Variants in TMEM233 observed in about 807,000 individuals in gnomAD.
TMEM233 encodes the protein dispanin subfamily B member 2.
TMEM233 carries 6 observed loss-of-function variants against 11.2 expected under a neutral mutation model. That is an observed-to-expected ratio of 0.54 (90% CI 0.29 to 1.06). TMEM233 has a LOEUF of 1.06. TMEM233 is among the 50% of genes least tolerant of loss of function. The probability of loss-of-function intolerance (pLI) is 0.08; values close to 1 mark genes in which losing one functional copy is unlikely to be tolerated. For synonymous variants in TMEM233, 59 were observed against 55.8 expected (o/e 1.06, Z -0.26); for missense variants, 127 against 144.7 (o/e 0.88, Z 0.63).
rs55708484 is a variant in TMEM233 at position 119,600,192 on chromosome 12, C to CA, written c.186+6174dup. Among the ~76,000 whole-genome samples, 488 of 117,736 alleles carry CA rather than the reference C, an allele frequency of 4.1e-3. 4 individuals are homozygous for CA. Among genetic ancestry groups the CA allele is most frequent in the African/African-American group, 0.013 (418 of 31,084 alleles). 77.2% of individuals were successfully genotyped at this position (117,736 alleles called of 152,430 possible). The stretch of plus-strand genomic sequence containing the variant: ...TCTGAAATAAAAGACCTGCAGTTTA[C>CA]AAAAAAAAAAAAAAAATGAAGTATA... On this transcript the variant is annotated intron_variant, in intron 1 of 2. Transcript: ENST00000426426.
At chr12:119,645,041 G>A (rs974645937), downstream of TMEM233, among the ~76,000 whole-genome samples, 3 of 152,278 alleles carry the variant, frequency 2.0e-5, no homozygotes, top group South Asian at 2.1e-4. Context: ...CACACTGGCT[G>A]TACTAAAGGG....
At chr12:119,645,769 T>C (rs187325439), downstream of TMEM233, among the ~76,000 whole-genome samples, 11 of 152,250 alleles carry the variant, frequency 7.2e-5, no homozygotes, top group Non-Finnish European at 1.6e-4. Flanking sequence ...GTGTAGAATT[T>C]CCCAGTTTGC....
intron 1 of TMEM233, among the ~76,000 whole-genome samples, chr12:119,607,605 T>A (rs896371329): frequency 7.8e-6 from 1 of 128,116 alleles, no homozygotes; most frequent in East Asian, 2.2e-4. Flanking sequence ...TAGATGCAAT[T>A]TTTTTTTTTT....
chr12:119,644,732 G>C (rs531998637), downstream of TMEM233, among the ~76,000 whole-genome samples: 1 of 152,236 alleles, frequency 6.6e-6, no homozygotes, highest in East Asian at 1.9e-4. Context: ...ACCCACCTCG[G>C]CCTCCCAAAG....
rs781693510 is a variant in TMEM233 at position 119,640,732 on chromosome 12, C to A, written c.*27C>A. 8.4e-6 allele frequency: 13 copies of A among 1,550,584 alleles called. No homozygotes were observed. Among genetic ancestry groups the A allele is most frequent in the Non-Finnish European group, 1.1e-5 (13 of 1,146,830 alleles). On this transcript the variant is annotated 3_prime_UTR_variant, in exon 3 of 3. Transcript: ENST00000426426. ...GAACCAGCGGTCAGTGGGCTGTGAG[C>A]GTGGAGGATGGACCTCATCCACACA...
chr12:119,618,270 T>G (rs1954575252), intron 1 of TMEM233, among the ~76,000 whole-genome samples: 1 of 152,322 alleles, frequency 6.6e-6, no homozygotes, highest in African/African-American at 2.4e-5. Flanking sequence ...AGGCAGAAAT[T>G]TGCTGCAGGG....
Position 119,629,747 on chromosome 12 carries a change from C to T in TMEM233, c.198C>T (p.Ser66=). ...ALVFSIMSLN[S]YNDGDYEGAR... ...CTTCTGTCCCCCAGTCTCTGAACAG[C>T]TACAACGATGGAGACTACGAAGGAG... The change falls in exon 2 of 3, where the codon AGC becomes AGT. Residue 66 remains serine (S), a synonymous_variant. Coordinates refer to ENST00000426426, the MANE Select transcript of TMEM233 (RefSeq NM_001136534.3). 1 of 1,550,992 alleles carries T rather than the reference C, an allele frequency of 6.4e-7. No homozygotes were observed. The highest frequency in any genetic ancestry group is 8.7e-7 in the Non-Finnish European group (1 of 1,146,648).
At chr12:119,600,387 T>TAAAAA (rs10682613) in intron 1 of TMEM233, among the ~76,000 whole-genome samples, 2 of 139,932 alleles carry the variant, frequency 1.4e-5, no homozygotes, top group African/African-American at 5.3e-5. Flanking sequence ...GTGGGTAGAT[T>TAAAAA]AAAAAAAAAA....
chr12:119,594,793 G>GC lies in TMEM233; in HGVS notation c.186+765dup, dbSNP rs1954001516. Among the ~76,000 whole-genome samples the GC allele has an allele frequency of 6.6e-6, 1 of 152,038 alleles. No homozygotes were observed. The highest frequency in any genetic ancestry group is 1.5e-5 in the Non-Finnish European group (1 of 68,002). On this transcript the variant is annotated intron_variant, in intron 1 of 2. Coordinates refer to ENST00000426426, the MANE Select transcript of TMEM233 (RefSeq NM_001136534.3). This position sits in a 1 kb window ranked among gnomAD's most constrained non-coding sequence, Gnocchi z 5.6. ...TAGGCCTTTCTTAGGCTCCCCGTGT[G>GC]CCCCCCTCACCAGCAAAGTGGGTGC... is the stretch of plus-strand genomic sequence containing the variant.
At chr12:119,596,487 C>CTTTTTTTTTTTTT (rs34129084) in intron 1 of TMEM233, among the ~76,000 whole-genome samples, 2 of 90,386 alleles carry the variant, frequency 2.2e-5, no homozygotes, top group Non-Finnish European at 3.9e-5. Context: ...AAGTTTGTAT[C>CTTTTTTTTTTTTT]TTTTTTTTTT....
chr12:119,636,451 A>G (rs2136792936), intron 2 of TMEM233, among the ~76,000 whole-genome samples: 1 of 152,220 alleles, frequency 6.6e-6, no homozygotes, highest in Admixed American at 6.5e-5. Flanking sequence ...TGGAAAGTTT[A>G]CACACCTCCC....
chr12:119,625,279 G>GTGCT (rs757497757), intron 1 of TMEM233, among the ~76,000 whole-genome samples: 1 of 152,146 alleles, frequency 6.6e-6, no homozygotes, highest in Non-Finnish European at 1.5e-5. Flanking sequence ...TATTACTGAA[G>GTGCT]TGCTGTGATT....
chr12:119,634,539 G>A (rs1954939018), intron 2 of TMEM233, among the ~76,000 whole-genome samples: 1 of 152,060 alleles, frequency 6.6e-6, no homozygotes, highest in Admixed American at 6.6e-5. Context: ...TTTGAGCCCA[G>A]GAGATTGAGG....
chr12:119,598,005 A>G (rs933210658), intron 1 of TMEM233, among the ~76,000 whole-genome samples: 2 of 152,314 alleles, frequency 1.3e-5, no homozygotes, highest in East Asian at 1.9e-4. Flanking sequence ...GCCTCATTCA[A>G]CATGATCTCA....
chr12:119,653,302 G>A, the TMEM233 span, among the ~76,000 whole-genome samples: 1 of 145,972 alleles, frequency 6.9e-6, no homozygotes, highest in African/African-American at 2.5e-5. Context: ...TGAGGCAGGA[G>A]AATGGTGTGA....
intron 1 of TMEM233, among the ~76,000 whole-genome samples, chr12:119,599,767 A>C (rs1314132978): frequency 6.6e-6 from 1 of 152,164 alleles, no homozygotes. Flanking sequence ...GAGATCACCT[A>C]CCACCCCACA....
At chr12:119,601,509 T>A (rs199518481) in intron 1 of TMEM233, among the ~76,000 whole-genome samples, 2 of 151,560 alleles carry the variant, frequency 1.3e-5, no homozygotes, top group Non-Finnish European at 2.9e-5. Context: ...GCAAAAAAAA[T>A]TAGCCAGGCG....
chr12:119,625,436 C>T (rs2136755808), intron 1 of TMEM233, among the ~76,000 whole-genome samples: 1 of 150,796 alleles, frequency 6.6e-6, no homozygotes, highest in South Asian at 2.1e-4. Context: ...GTGGCACGAT[C>T]ATAGCTCACT....
At chr12:119,635,420 C>A (rs1328854536) in intron 2 of TMEM233, among the ~76,000 whole-genome samples, 2 of 152,186 alleles carry the variant, frequency 1.3e-5, no homozygotes, top group African/African-American at 2.4e-5. Context: ...TAATGAAGAA[C>A]ATTCTTGCCT....
Sources: gnomAD v4.1 joint callset for allele counts (sites outside exome capture counted in the v4.1 genomes callset) on GRCh38, gnomAD v4.1.1 for gene constraint, Gnocchi (gnomAD v3.1) non-coding constraint, MANE v1.5 for transcripts, NCBI Gene and HGNC (gene_info 2026-07-23, HGNC 2026-07-21) for gene names.